CES1: variants seen among roughly 807,000 people sequenced by gnomAD.
CES1 encodes liver carboxylesterase 1.
A neutral mutation model predicts 53.0 loss-of-function variants in CES1; 50 were observed. The ratio of observed to expected loss-of-function variants is 0.94; its 90% CI spans 0.75 to 1.19. The LOEUF (loss-of-function observed/expected upper bound fraction) is 1.19, where lower values mean the gene tolerates loss of function less well. Among genes scored for constraint, CES1 ranks in the 50% most tolerant of loss-of-function variants. The pLI is 0.00. For synonymous variants in CES1, 202 were observed against 210.1 expected (o/e 0.96, Z 0.33); for missense variants, 534 against 538.0 (o/e 0.99, Z 0.07).
At chr16:55,831,555 G>A (rs149501555) in intron 1 of CES1, among the ~76,000 whole-genome samples, 17,800 of 143,918 alleles carry the variant, frequency 0.12, 113 homozygotes, top group African/African-American at 0.2. Context: ...AATAAGCCTT[G>A]CTGGGTAGGC....
intron 11 of CES1, among the ~76,000 whole-genome samples, chr16:55,809,471 T>C (rs1162521977): frequency 1.3e-5 from 2 of 152,198 alleles, no homozygotes; most frequent in Admixed American, 1.3e-4. Context: ...GAATGAGAGC[T>C]GGAAGAAAAG....
rs530158895 is a variant in CES1 at position 55,830,212 on chromosome 16, C to T, written c.53-1238G>A. ...GGAAAGCCCAGTTACACAACAGCAT[C>T]CATGTCTCATCTTATTAATAGCCAA... On this transcript the variant is annotated intron_variant, in intron 1 of 13. Transcript: ENST00000360526. 1.8e-3 allele frequency among the ~76,000 whole-genome samples: 270 copies of T among 152,350 alleles called. 2 individuals carry two copies. Among genetic ancestry groups the T allele is most frequent in the African/African-American group, 6.3e-3 (260 of 41,568 alleles).
At chr16:55,812,865 G>T in intron 9 of CES1, 38 bp downstream of exon 9, 1 of 1,613,046 alleles carries the variant, frequency 6.2e-7, no homozygotes, top group South Asian at 1.1e-5. Context: ...GGCTGATGGG[G>T]GTGGTTGAGT....
At position 55,821,532 on chromosome 16, in the gene CES1, G is replaced by A; in HGVS notation, c.540-11C>T. 5 of 1,614,190 alleles carry A rather than the reference G, an allele frequency of 3.1e-6. No individual in the cohort carries two copies. The highest frequency in any genetic ancestry group is 1.1e-5 in the South Asian group (1 of 91,088). ...TGTTCATCCCCTGTGCTGTGAGGAA[G>A]AGAACAGGTTGAGGGTGGGGAGCAG... On this transcript the variant is annotated splice_polypyrimidine_tract_variant and intron_variant, in intron 4 of 13. Transcript: ENST00000360526.
intron 10 of CES1, 48 bp from the exon 11 acceptor site, chr16:55,810,712 C>A: frequency 1.2e-6 from 2 of 1,603,840 alleles, no homozygotes; most frequent in Non-Finnish European, 1.7e-6. Context: ...AGCGATGCAG[C>A]TTCTCCAGCC....
intron 11 of CES1, among the ~76,000 whole-genome samples, chr16:55,808,781 G>A (rs1181587138): frequency 6.6e-6 from 1 of 152,122 alleles, no homozygotes; most frequent in Non-Finnish European, 1.5e-5. Context: ...ATGGAATAAG[G>A]AATGCTTTGA....
At position 55,825,007 on chromosome 16, in the gene CES1, C is replaced by G. The variant is rs139869376; in HGVS notation, c.405+1144G>C. On this transcript the variant is annotated intron_variant, in intron 3 of 13. Transcript: ENST00000360526. Reference sequence around the variant, plus strand: ...GTGTGCATTCATCTTTGTGTGAAGACTGAGCCTGAGGGCTGGCCTGCAATA... The same window carrying G: ...GTGTGCATTCATCTTTGTGTGAAGAGTGAGCCTGAGGGCTGGCCTGCAATA... Among the ~76,000 whole-genome samples, 646 of 152,256 alleles carry G rather than the reference C, an allele frequency of 4.2e-3. 6 individuals are homozygous for G. Among genetic ancestry groups the G allele is most frequent in the African/African-American group, 0.015 (612 of 41,542 alleles).
intron 1 of CES1, 91 bp downstream of exon 1, chr16:55,832,913 G>A (rs2032739693): frequency 8.7e-7 from 1 of 1,154,838 alleles, no homozygotes; most frequent in South Asian, 1.2e-5. Context: ...CGGACCTGTT[G>A]TGTCTTTGCC....
chr16:55,811,026 A>AAG lies in CES1; in HGVS notation c.1087-17_1087-16insCT. ...TCATCAACTGCTAAAAAAAAAAAAA[A>AAG]GTTCAGCATTTATGAATCATTGGGA... On this transcript the variant is annotated splice_polypyrimidine_tract_variant and intron_variant, in intron 9 of 13. Transcript: ENST00000360526. The AAG allele has an allele frequency of 6.4e-7, 1 of 1,556,948 alleles. No homozygotes were observed. The highest frequency in any genetic ancestry group is 1.7e-5 in the Admixed American group (1 of 59,458).
chr16:55,818,021 C>G (rs1459236371), intron 7 of CES1, among the ~76,000 whole-genome samples: 1 of 152,148 alleles, frequency 6.6e-6, no homozygotes, highest in Non-Finnish European at 1.5e-5. Flanking sequence ...TCACTTAGAG[C>G]CTGAGCCAAG....
intron 1 of CES1, among the ~76,000 whole-genome samples, chr16:55,830,961 C>A (rs1417412608): frequency 6.6e-6 from 1 of 152,082 alleles, no homozygotes; most frequent in Non-Finnish European, 1.5e-5. Flanking sequence ...GCTTGTAATG[C>A]TGGATCCCTG....
At chr16:55,826,459 G>A (rs2032423654) in intron 2 of CES1, among the ~76,000 whole-genome samples, 164 bp from the exon 3 acceptor site, 1 of 152,152 alleles carries the variant, frequency 6.6e-6, no homozygotes, top group Non-Finnish European at 1.5e-5. Flanking sequence ...TTCAGGTGGG[G>A]GCGCTGGGAC....
Position 55,821,427 on chromosome 16 carries a change from T to C in CES1, c.634A>G (p.Asn212Asp), listed in dbSNP as rs2032189195. The change falls in exon 5 of 14, where the codon AAC becomes GAC. Residue 212 changes from asparagine (N) to aspartate (D), a missense_variant. Coordinates refer to ENST00000360526, the MANE Select transcript of CES1 (RefSeq NM_001025195.2). ...VQDNIASFGG[N>D]PGSVTIFGES... ...CCAAAGATGGTCACAGAGCCTGGGT[T>C]CCCTCCAAAGCTGGCAATGTTGTCC... 6.2e-7 allele frequency: 1 copy of C among 1,614,140 alleles called. No individual in the cohort carries two copies. The highest frequency in any genetic ancestry group is 8.5e-7 in the Non-Finnish European group (1 of 1,180,016).
At chr16:55,832,626 C>T (rs771730682) in intron 1 of CES1, among the ~76,000 whole-genome samples, 1 of 152,212 alleles carries the variant, frequency 6.6e-6, no homozygotes, top group Non-Finnish European at 1.5e-5. Flanking sequence ...CTCGAACCCA[C>T]GCACTCTGGC....
intron 11 of CES1, among the ~76,000 whole-genome samples, chr16:55,810,014 C>T (rs1346582494): frequency 2.6e-5 from 4 of 152,208 alleles, no homozygotes; most frequent in African/African-American, 4.8e-5. Context: ...TTTGTCTGGT[C>T]ACAAGAGACT....
At position 55,821,532 on chromosome 16, in the gene CES1, G is replaced by C. The variant is rs778040663; in HGVS notation, c.540-11C>G. 2.5e-6 allele frequency: 4 copies of C among 1,614,072 alleles called. No individual in the cohort carries two copies. The highest frequency in any genetic ancestry group is 3.4e-6 in the Non-Finnish European group (4 of 1,180,040). ...TGTTCATCCCCTGTGCTGTGAGGAA[G>C]AGAACAGGTTGAGGGTGGGGAGCAG... is the stretch of plus-strand genomic sequence containing the variant. On this transcript the variant is annotated splice_polypyrimidine_tract_variant and intron_variant, in intron 4 of 13. Coordinates refer to ENST00000360526, the MANE Select transcript of CES1 (RefSeq NM_001025195.2).
chr16:55,810,629 C>T lies in CES1; in HGVS notation c.1206G>A (p.Glu402=). The T allele has an allele frequency of 1.2e-6, 2 of 1,614,174 alleles. No homozygotes were observed. The highest frequency in any genetic ancestry group is 1.7e-6 in the Non-Finnish European group (2 of 1,180,020). The change falls in exon 11 of 14, where the codon GAG becomes GAA. Residue 402 remains glutamate (E), a synonymous_variant. Transcript: ENST00000360526. ...TGTCGTCTGTTCCTCCTAAGTATTT[C>T]TCAGTGGCTTCTGGAATCAGTTCCT... is the stretch of plus-strand genomic sequence containing the variant. The part of the protein sequence containing the change: ...IAKELIPEAT[E]KYLGGTDDTV...
intron 8 of CES1, among the ~76,000 whole-genome samples, chr16:55,815,215 C>G (rs568244924): frequency 6.6e-6 from 1 of 152,312 alleles, no homozygotes; most frequent in African/African-American, 2.4e-5. Flanking sequence ...GGTGCAGAGC[C>G]TACCTTCTGC....
chr16:55,826,960 T>C (rs1356280264), intron 2 of CES1, among the ~76,000 whole-genome samples: 3 of 152,118 alleles, frequency 2.0e-5, no homozygotes, highest in African/African-American at 7.2e-5. Flanking sequence ...CTAGTCCCAT[T>C]AGGTAGGTTC....
Sources: allele counts gnomAD v4.1 joint callset (sites outside exome capture counted in the v4.1 genomes callset), GRCh38; gene constraint gnomAD v4.1.1; transcripts MANE v1.5; gene names NCBI Gene and HGNC (gene_info 2026-07-23, HGNC 2026-07-21).